ICMT: variants seen among roughly 807,000 people sequenced by gnomAD.
The protein encoded by ICMT is protein-S-isoprenylcysteine O-methyltransferase.
ICMT carries 10 observed loss-of-function variants against 32.2 expected under a neutral mutation model. The observed-to-expected ratio is 0.31, with a 90% CI of 0.19 to 0.53. ICMT has a LOEUF of 0.53. Among genes scored for constraint, ICMT ranks in the 20% least tolerant of loss-of-function variants. The pLI is 0.96. For synonymous variants in ICMT, 183 were observed against 158.2 expected (o/e 1.16, Z -1.18); for missense variants, 265 against 356.9 (o/e 0.74, Z 2.07).
At chr1:6,232,799 C>T (rs561964415) in intron 3 of ICMT, among the ~76,000 whole-genome samples, 41 of 152,026 alleles carry the variant, frequency 2.7e-4, no homozygotes, top group Non-Finnish European at 4.6e-4. Context: ...CCACCCACCT[C>T]GGCCTCCCAA....
intron 3 of ICMT, among the ~76,000 whole-genome samples, chr1:6,233,088 T>C (rs1668763065): frequency 6.6e-6 from 1 of 150,466 alleles, no homozygotes; most frequent in Non-Finnish European, 1.5e-5. Context: ...ACTCCTGACC[T>C]TGTGATCCAC....
At chr1:6,234,837 G>A (rs749484160) in intron 2 of ICMT, 49 bp downstream of exon 2, 3 of 1,355,554 alleles carry the variant, frequency 2.2e-6, no homozygotes, top group African/African-American at 1.4e-5. Flanking sequence ...CAGACCCTCT[G>A]ATCTGTCCAC....
chr1:6,221,619 G>C lies in ICMT; in HGVS notation c.*3461C>G, dbSNP rs909890799. 5 of 152,702 alleles carry C rather than the reference G, an allele frequency of 3.3e-5. No homozygotes were observed. Among genetic ancestry groups the C allele is most frequent in the African/African-American group, 1.2e-4 (5 of 41,466 alleles). 9.5% of individuals were successfully genotyped at this position (152,702 alleles called of 1,614,324 possible). On this transcript the variant is annotated 3_prime_UTR_variant, in exon 5 of 5. Transcript: ENST00000343813. ...GGCGAGATCTTACAAAGCCTGATCG[G>C]CTAACGCAGCTTCCTGGTTTAGGAA...
In ICMT at chr1:6,235,704, C is replaced by T. The variant is rs1399031550; in HGVS notation, c.195+13G>A. 1.0e-5 allele frequency: 12 copies of T among 1,195,184 alleles called. No homozygotes were observed. The highest frequency in any genetic ancestry group is 1.2e-5 in the Non-Finnish European group (12 of 965,766). The allele number at this position is 1,195,184 out of a possible 1,614,324, so 74.0% of individuals were successfully genotyped here. ...CGCCCCGCCGGCCCCCGCCGGCCCC[C>T]GCCGGCCTGCACCTGGTAGCGAGGC... On this transcript the variant is annotated intron_variant, in intron 1 of 4. Coordinates refer to ENST00000343813, the MANE Select transcript of ICMT (RefSeq NM_012405.4).
chr1:6,232,707 C>T (rs1490856346), intron 3 of ICMT, among the ~76,000 whole-genome samples: 1 of 152,120 alleles, frequency 6.6e-6, no homozygotes, highest in Non-Finnish European at 1.5e-5. Flanking sequence ...CACTACCAGG[C>T]CCGGCTAATT....
intron 2 of ICMT, among the ~76,000 whole-genome samples, chr1:6,234,098 A>C (rs1668778219): frequency 6.6e-6 from 1 of 152,116 alleles, no homozygotes; most frequent in East Asian, 1.9e-4. Context: ...GCTGGTCTTG[A>C]ACTCCTGACC....
At position 6,224,778 on chromosome 1, in the gene ICMT, C is replaced by T. The variant is rs546767054; in HGVS notation, c.*302G>A. The stretch of plus-strand genomic sequence containing the variant: ...TTTACTTACACTCTGGCCTCGGGGG[C>T]AGTGGCGTGTGGCCTCGGTCCTCCC... On this transcript the variant is annotated 3_prime_UTR_variant, in exon 5 of 5. Transcript: ENST00000343813. 6.4e-6 allele frequency: 2 copies of T among 314,678 alleles called. No homozygotes were observed. The highest frequency in any genetic ancestry group is 4.9e-5 in the Admixed American group (1 of 20,306). 19.5% of individuals were successfully genotyped at this position (314,678 alleles called of 1,614,324 possible). A position where few individuals can be genotyped will look rare whatever the true frequency, so the allele number is the denominator to read the frequency against.
chr1:6,231,422 A>G (rs150251495), intron 4 of ICMT, among the ~76,000 whole-genome samples: 6 of 152,292 alleles, frequency 3.9e-5, no homozygotes, highest in Non-Finnish European at 7.4e-5. Flanking sequence ...GGGGCAGAGA[A>G]AGGGAGAGGC....
intron 4 of ICMT, among the ~76,000 whole-genome samples, chr1:6,231,234 C>T (rs1013767837): frequency 6.6e-6 from 1 of 151,920 alleles, no homozygotes; most frequent in Non-Finnish European, 1.5e-5. Context: ...CAGCCTGAGA[C>T]AGAACAAACC....
chr1:6,235,208 A>T (rs1290687253), intron 1 of ICMT, among the ~76,000 whole-genome samples: 1 of 152,232 alleles, frequency 6.6e-6, no homozygotes, highest in Non-Finnish European at 1.5e-5. Context: ...CAGCCAGGGG[A>T]TAACAGTACC....
chr1:6,234,783 C>CT, intron 2 of ICMT, 103 bp downstream of exon 2: 1 of 886,988 alleles, frequency 1.1e-6, no homozygotes, highest in South Asian at 1.4e-5. Flanking sequence ...CCTGAACAGC[C>CT]TTCTGCCGGT....
At chr1:6,230,762 G>A (rs546696030) in intron 4 of ICMT, among the ~76,000 whole-genome samples, 55 of 151,870 alleles carry the variant, frequency 3.6e-4, no homozygotes, top group African/African-American at 1.3e-3. Flanking sequence ...GGTGGCGGGC[G>A]CCTGTAGTCC....
intron 4 of ICMT, 121 bp from the exon 5 acceptor site, chr1:6,225,383 G>A (rs1557600578): frequency 6.4e-6 from 6 of 931,462 alleles, no homozygotes; most frequent in African/African-American, 1.6e-5. Flanking sequence ...AGACCGTCAG[G>A]GTCTCTGGGA....
chr1:6,226,775 T>C (rs1319329887), intron 4 of ICMT, among the ~76,000 whole-genome samples: 1 of 152,230 alleles, frequency 6.6e-6, no homozygotes, highest in Non-Finnish European at 1.5e-5. Flanking sequence ...AGGGTCTCAC[T>C]ATATTGCCCA....
At chr1:6,226,940 A>G (rs1384244176) in intron 4 of ICMT, among the ~76,000 whole-genome samples, 4 of 152,214 alleles carry the variant, frequency 2.6e-5, no homozygotes, top group Non-Finnish European at 5.9e-5. Context: ...GGACTGGCCC[A>G]GTCAGTGACT....
At chr1:6,232,705 G>C (rs1247414731) in intron 3 of ICMT, among the ~76,000 whole-genome samples, 2 of 151,058 alleles carry the variant, frequency 1.3e-5, no homozygotes, top group Non-Finnish European at 2.9e-5. Flanking sequence ...TGCACTACCA[G>C]GCCCGGCTAA....
intron 4 of ICMT, among the ~76,000 whole-genome samples, chr1:6,231,341 C>T (rs1668733272): frequency 6.6e-6 from 1 of 152,150 alleles, no homozygotes; most frequent in Non-Finnish European, 1.5e-5. Flanking sequence ...TGACAGAGGG[C>T]ACTCCCTTCC....
In ICMT at chr1:6,232,037, A is replaced by C. The variant is rs1668746308; in HGVS notation, c.537T>G (p.Phe179Leu). Residue 179 changes from phenylalanine to leucine, a missense_variant, in exon 4 of 5, where the codon TTT becomes TTG. Phe to Leu is a conservative substitution (Grantham distance 22, BLOSUM62 0). This residue lies in a region of ICMT where 166 missense variants were observed against 264.3 expected (regional missense o/e 0.63). Transcript: ENST00000343813. ...FGECLRKAAM[F>L]TAGSNFNHVV... ...CGTGGTTGAAATTGGAGCCAGCTGT[A>C]AACATGGCCGCCTTCCTCAGACATT... The C allele has an allele frequency of 6.2e-7, 1 of 1,614,058 alleles. No homozygotes were observed. The highest frequency in any genetic ancestry group is 1.3e-5 in the African/African-American group (1 of 74,920).
chr1:6,225,644 T>TGG (rs1202526999), intron 4 of ICMT, among the ~76,000 whole-genome samples: 1 of 152,084 alleles, frequency 6.6e-6, no homozygotes. Context: ...CACAGCTGCC[T>TGG]GGGCCTCTGC....
Sources: allele counts gnomAD v4.1 joint callset (sites outside exome capture counted in the v4.1 genomes callset), GRCh38; gene constraint gnomAD v4.1.1; regional missense constraint gnomAD v4.1.1; transcripts MANE v1.5; gene names NCBI Gene and HGNC (gene_info 2026-07-23, HGNC 2026-07-21).